Variants in LNX1 observed in about 807,000 individuals in gnomAD.
LNX1 encodes E3 ubiquitin-protein ligase LNX.
LNX1 carries 54 observed loss-of-function variants against 68.4 expected under a neutral mutation model. The ratio of observed to expected loss-of-function variants is 0.79; its 90% CI spans 0.63 to 0.99. The LOEUF is 0.99. Ranked by LOEUF, LNX1 falls within the 50% of genes least tolerant of loss-of-function variation. The pLI is 0.00. For synonymous variants in LNX1, 336 were observed against 350.0 expected, an observed-to-expected ratio of 0.96 and a Z score of 0.45; for missense variants, 906 against 926.4, an observed-to-expected ratio of 0.98 and a Z score of 0.29.
At position 53,606,791 on chromosome 4, in the gene LNX1, G is replaced by T. The variant is rs554422812; in HGVS notation, c.-215+9726C>A. ...GTAGGCTTCATCCCTGGGATGCAAG[G>T]TTGCTTCAACATACACAAATCAATA... is the stretch of plus-strand genomic sequence containing the variant. On this transcript the variant is annotated intron_variant, in intron 2 of 3. Transcript: ENST00000504299. Among the ~76,000 whole-genome samples, 13 of 152,218 alleles carry T rather than the reference G, an allele frequency of 8.5e-5. No homozygotes were observed. In the South Asian group the frequency reaches 1.0e-3, roughly 12 times the overall value.
intron 2 of LNX1, among the ~76,000 whole-genome samples, chr4:53,558,533 C>T (rs1330899357): frequency 6.6e-6 from 1 of 152,196 alleles, no homozygotes; most frequent in Admixed American, 6.5e-5. Context: ...CCACCTTCCT[C>T]CAGCACCCAT....
At chr4:53,587,579 C>A (rs1438173810) in intron 1 of LNX1, among the ~76,000 whole-genome samples, 1 of 152,142 alleles carries the variant, frequency 6.6e-6, no homozygotes, top group Non-Finnish European at 1.5e-5. Context: ...TTTAGAGCAT[C>A]TCTTATGTGT....
intron 2 of LNX1, among the ~76,000 whole-genome samples, chr4:53,540,826 T>C (rs1397839743): frequency 1.3e-5 from 2 of 152,190 alleles, no homozygotes; most frequent in Non-Finnish European, 2.9e-5. Context: ...AAGGGCACTG[T>C]ATTTGATTCT....
intron 1 of LNX1, among the ~76,000 whole-genome samples, chr4:53,637,662 C>T (rs1466076516): frequency 6.6e-6 from 1 of 151,984 alleles, no homozygotes; most frequent in Non-Finnish European, 1.5e-5. Flanking sequence ...TTTGTGCCCA[C>T]CCAGAAAGAA....
At chr4:53,553,360 A>T in intron 2 of LNX1, among the ~76,000 whole-genome samples, 1 of 152,198 alleles carries the variant, frequency 6.6e-6, no homozygotes, top group East Asian at 1.9e-4. Context: ...AGACTTAAGC[A>T]TGAAAATGGA....
chr4:53,528,127 G>T (rs185854997), intron 2 of LNX1, among the ~76,000 whole-genome samples: 5 of 152,236 alleles, frequency 3.3e-5, no homozygotes, highest in African/African-American at 1.2e-4. Context: ...CTTTGTGTCC[G>T]CTCAGCGTAT....
chr4:53,520,804 A>C (rs186465583), intron 2 of LNX1, among the ~76,000 whole-genome samples: 58 of 152,252 alleles, frequency 3.8e-4, no homozygotes, highest in Admixed American at 1.6e-3. Context: ...TCTACTAAAA[A>C]TACAAAAATT....
chr4:53,535,811 T>C (rs1728333175), intron 2 of LNX1, among the ~76,000 whole-genome samples: 1 of 152,220 alleles, frequency 6.6e-6, no homozygotes, highest in African/African-American at 2.4e-5. Flanking sequence ...TACTTCTCAT[T>C]CATCTGTTGG....
chr4:53,575,831 T>C (rs1731448564), intron 1 of LNX1: 2 of 1,588,742 alleles, frequency 1.3e-6, no homozygotes, highest in Non-Finnish European at 1.7e-6. Flanking sequence ...GACCAGCTAC[T>C]AGGGGACCTA....
chr4:53,473,496 T>C (rs1393144650), intron 9 of LNX1, among the ~76,000 whole-genome samples: 1 of 152,184 alleles, frequency 6.6e-6, no homozygotes, highest in Non-Finnish European at 1.5e-5. Flanking sequence ...ATCATGTCTT[T>C]TGTGGGAATA....
intron 1 of LNX1, among the ~76,000 whole-genome samples, chr4:53,651,848 C>A (rs1218312585): frequency 7.9e-5 from 12 of 152,152 alleles, no homozygotes; most frequent in Admixed American, 7.9e-4. Context: ...TTTTTACTGA[C>A]CTGTCTGGCA....
intron 2 of LNX1, among the ~76,000 whole-genome samples, chr4:53,554,805 T>A (rs966734070): frequency 6.6e-6 from 1 of 151,472 alleles, no homozygotes; most frequent in Admixed American, 6.6e-5. Context: ...CTAGCTGAGA[T>A]TGTACCATTG....
chr4:53,567,043 A>G (rs1191198705), intron 2 of LNX1, among the ~76,000 whole-genome samples: 7 of 149,600 alleles, frequency 4.7e-5, no homozygotes, highest in Admixed American at 1.3e-4. Context: ...CACATTAATA[A>G]TGGGAGACTT....
chr4:53,629,608 G>A (rs1353274772), intron 1 of LNX1, among the ~76,000 whole-genome samples: 1 of 152,206 alleles, frequency 6.6e-6, no homozygotes. Context: ...AAGCCATTTG[G>A]CCATGGATGA....
intron 1 of LNX1, among the ~76,000 whole-genome samples, chr4:53,574,635 T>G (rs1212012602): frequency 6.6e-6 from 1 of 152,234 alleles, no homozygotes; most frequent in Non-Finnish European, 1.5e-5. Flanking sequence ...TGTATGCATT[T>G]CACTCAGTTG....
rs1264708780 is a variant in LNX1, at chr4:53,498,662, C to T, written c.957G>A (p.Leu319=). 1 of 1,613,870 alleles carries T rather than the reference C, an allele frequency of 6.2e-7. No individual in the cohort carries two copies. Among genetic ancestry groups the T allele is most frequent in the Non-Finnish European group, 8.5e-7 (1 of 1,179,892 alleles). The change falls in exon 5 of 11, where the codon CTG becomes CTA. Residue 319 remains leucine (L), a synonymous_variant. Coordinates refer to ENST00000263925, the MANE Select transcript of LNX1 (RefSeq NM_001126328.3). ...DGVIARDGRL[L]PGDIILKVNG... ...CTACCTTTAGAATGATGTCTCCTGG[C>T]AGTAGCCGGCCGTCTCTGGCGATCA...
intron 2 of LNX1, among the ~76,000 whole-genome samples, chr4:53,601,888 C>A (rs1465947038): frequency 6.6e-6 from 1 of 152,180 alleles, no homozygotes; most frequent in Non-Finnish European, 1.5e-5. Flanking sequence ...CTGGTTACTG[C>A]TGTTTCTCCC....
At chr4:53,529,410 C>T (rs1044990853) in intron 2 of LNX1, among the ~76,000 whole-genome samples, 15 of 152,130 alleles carry the variant, frequency 9.9e-5, no homozygotes, top group Non-Finnish European at 1.3e-4. Context: ...AACTGGGTAA[C>T]GTGGGTGCTG....
At position 53,622,611 on chromosome 4, in the gene LNX1, T is replaced by C. The variant is rs375377267; in HGVS notation, c.-215+29557A>G. On this transcript the variant is annotated intron_variant, in intron 1 of 2. Coordinates refer to the LNX1 transcript ENST00000507168. ...CCAAATTGGTATAAAAAACGCCAAA[T>C]CCTCTTATTACAACAGGATACAGTA... is the stretch of plus-strand genomic sequence containing the variant. 2.6e-5 allele frequency among the ~76,000 whole-genome samples: 4 copies of C among 152,218 alleles called. No homozygotes were observed. In the East Asian group the frequency reaches 5.8e-4, roughly 22 times the overall value.
Sources: gnomAD v4.1 joint callset for allele counts (sites outside exome capture counted in the v4.1 genomes callset) on GRCh38, gnomAD v4.1.1 for gene constraint, MANE v1.5 for transcripts, NCBI Gene and HGNC (gene_info 2026-07-23, HGNC 2026-07-21) for gene names.